The following MEMO1 variants were observed in gnomAD, a reference collection of about 807,000 sequenced individuals.
MEMO1 encodes the protein protein MEMO1.
A neutral mutation model predicts 45.2 loss-of-function variants in MEMO1; 6 were observed. The observed-to-expected ratio is 0.13, with a 90% CI of 0.07 to 0.26. MEMO1 has a LOEUF of 0.26. Among genes scored for constraint, MEMO1 ranks in the 10% least tolerant of loss-of-function variants. The pLI is 1.00. For synonymous variants in MEMO1, 78 were observed against 124.3 expected (o/e 0.63, Z 2.48); for missense variants, 184 against 370.5 (o/e 0.50, Z 4.13).
chr2:32,003,221 T>C (rs562701730), intron 2 of MEMO1, among the ~76,000 whole-genome samples: 125 of 152,278 alleles, frequency 8.2e-4, no homozygotes, highest in African/African-American at 2.8e-3. Flanking sequence ...AGAACCCTGA[T>C]ATAATTTTAT....
At position 31,967,540 on chromosome 2, in the gene MEMO1, C is replaced by T. The variant is rs543697082; in HGVS notation, c.62-24157G>A. ...TATGACTCACTGCAGCCTTGACCTCCGGGCTCAAGCAATCCTCCCATGTCA... is the reference window on the plus strand; with the variant it reads ...TATGACTCACTGCAGCCTTGACCTCTGGGCTCAAGCAATCCTCCCATGTCA... On this transcript the variant is annotated intron_variant, in intron 2 of 9. Coordinates refer to ENST00000404530, the MANE Select transcript of MEMO1 (RefSeq NM_001301833.4). Among the ~76,000 whole-genome samples, 476 of 152,234 alleles carry T rather than the reference C, an allele frequency of 3.1e-3. 1 individual carries two copies. Among genetic ancestry groups the T allele is most frequent in the African/African-American group, 0.011 (449 of 41,560 alleles).
rs375924514 is a variant in MEMO1 at position 31,943,433 on chromosome 2, G to T, written c.62-50C>A. ...AGAGTCAGCAAAGCAATGTACTACA[G>T]ATAAACATATGTGGCATAAAGCCCT... On this transcript the variant is annotated intron_variant, in intron 2 of 9. Coordinates refer to ENST00000404530, the MANE Select transcript of MEMO1 (RefSeq NM_001301833.4). The T allele has an allele frequency of 3.6e-5, 48 of 1,326,272 alleles. No homozygotes were observed. The African/African-American group carries it at 4.8e-4, about 13-fold the overall frequency. The allele number at this position is 1,326,272 out of a possible 1,614,324, so 82.2% of individuals were successfully genotyped here.
intron 4 of MEMO1, among the ~76,000 whole-genome samples, chr2:31,927,639 T>TAAA (rs555788140): frequency 9.4e-5 from 13 of 138,790 alleles, no homozygotes; most frequent in Non-Finnish European, 1.6e-4. Context: ...TTATATTTTG[T>TAAA]AAAAAAAAAA....
At chr2:31,962,281 C>T (rs1293431110) in intron 2 of MEMO1, among the ~76,000 whole-genome samples, 2 of 152,016 alleles carry the variant, frequency 1.3e-5, no homozygotes, top group Non-Finnish European at 2.9e-5. Context: ...CCCAGCTATT[C>T]AGAAGGCTGA....
At chr2:31,996,428 C>T (rs1276653490) in intron 2 of MEMO1, among the ~76,000 whole-genome samples, 2 of 152,004 alleles carry the variant, frequency 1.3e-5, no homozygotes, top group African/African-American at 4.8e-5. Context: ...CACCCGTAGT[C>T]CCAGCTGAGG....
chr2:31,952,314 G>A (rs1257311059), intron 2 of MEMO1, among the ~76,000 whole-genome samples: 1 of 152,062 alleles, frequency 6.6e-6, no homozygotes, highest in Admixed American at 6.6e-5. Context: ...ATAGCAGAGG[G>A]CAATTAACAA....
chr2:31,878,478 A>G (rs763634088), intron 8 of MEMO1, among the ~76,000 whole-genome samples: 8 of 152,272 alleles, frequency 5.3e-5, no homozygotes, highest in Non-Finnish European at 8.8e-5. Flanking sequence ...GGAAAGTGGA[A>G]GGATAGGACC....
chr2:31,970,422 C>A (rs919907283), intron 2 of MEMO1, among the ~76,000 whole-genome samples: 5 of 152,098 alleles, frequency 3.3e-5, no homozygotes, highest in African/African-American at 1.2e-4. Flanking sequence ...TTGATCTCAG[C>A]CTCGTTTTTA....
intron 6 of MEMO1, among the ~76,000 whole-genome samples, chr2:31,892,827 T>C (rs1677167632): frequency 6.6e-6 from 1 of 152,304 alleles, no homozygotes; most frequent in African/African-American, 2.4e-5. Context: ...AAGTCCCTTT[T>C]TCACTCTACA....
chr2:31,974,787 C>CA lies in MEMO1; in HGVS notation c.62-31405dup, dbSNP rs200456531. Among the ~76,000 whole-genome samples the CA allele has an allele frequency of 4.9e-4, 73 of 148,932 alleles. 1 individual carries two copies. In the East Asian group the frequency reaches 0.013, roughly 26 times the overall value. ...TCTCTAAAAAGACCAAAAAACAAACCAAAAAAAAATTGGTAGTGAAATCAT... is the reference window on the plus strand; with the variant it reads ...TCTCTAAAAAGACCAAAAAACAAACCAAAAAAAAAATTGGTAGTGAAATCAT... On this transcript the variant is annotated intron_variant, in intron 2 of 9. Coordinates refer to ENST00000404530, the MANE Select transcript of MEMO1 (RefSeq NM_001301833.4).
At chr2:31,974,897 G>A (rs1348491330) in intron 2 of MEMO1, among the ~76,000 whole-genome samples, 3 of 152,106 alleles carry the variant, frequency 2.0e-5, no homozygotes, top group Admixed American at 1.3e-4. Flanking sequence ...TTGGCAGGGC[G>A]CAGTGGCTCA....
chr2:31,917,067 T>C (rs1294992444), intron 6 of MEMO1, among the ~76,000 whole-genome samples: 2 of 152,158 alleles, frequency 1.3e-5, no homozygotes, highest in East Asian at 3.8e-4. Context: ...ACATAAAAAA[T>C]ATAATGTTAT....
intron 2 of MEMO1, among the ~76,000 whole-genome samples, chr2:31,945,158 T>G (rs1372370924): frequency 6.6e-6 from 1 of 152,224 alleles, no homozygotes; most frequent in Non-Finnish European, 1.5e-5. Context: ...TGCAACTTGC[T>G]TTAGTAATTC....
At chr2:31,977,751 T>G (rs1268142073) in intron 2 of MEMO1, among the ~76,000 whole-genome samples, 1 of 152,110 alleles carries the variant, frequency 6.6e-6, no homozygotes, top group Non-Finnish European at 1.5e-5. Flanking sequence ...CAGGCTGGTC[T>G]CAAACTCTTG....
intron 2 of MEMO1, among the ~76,000 whole-genome samples, chr2:31,978,269 C>A (rs1572874670): frequency 6.6e-6 from 1 of 151,978 alleles, no homozygotes; most frequent in Admixed American, 6.6e-5. Flanking sequence ...CACCTGTAAT[C>A]CCAGCTACTC....
chr2:31,927,368 A>G (rs1477913673), intron 4 of MEMO1, among the ~76,000 whole-genome samples: 1 of 152,206 alleles, frequency 6.6e-6, no homozygotes, highest in Non-Finnish European at 1.5e-5. Flanking sequence ...ATTTCGCATT[A>G]TAACTAACCT....
intron 3 of MEMO1, among the ~76,000 whole-genome samples, chr2:31,939,109 C>CA (rs34125983): frequency 6.2e-5 from 9 of 144,838 alleles, no homozygotes; most frequent in Non-Finnish European, 6.1e-5. Flanking sequence ...TTTTCTACCT[C>CA]AAAAAAAAAA....
chr2:31,883,699 C>T (rs1675745355), intron 7 of MEMO1, among the ~76,000 whole-genome samples: 1 of 151,892 alleles, frequency 6.6e-6, no homozygotes, highest in African/African-American at 2.4e-5. Context: ...TTGTAGAAAC[C>T]TTAAAATCAC....
intron 6 of MEMO1, among the ~76,000 whole-genome samples, chr2:31,897,959 C>A (rs1045017210): frequency 6.6e-6 from 1 of 151,794 alleles, no homozygotes; most frequent in African/African-American, 2.4e-5. Context: ...TGTATGTGTC[C>A]AGGAATTTAT....
Sources: allele counts gnomAD v4.1 joint callset (sites outside exome capture counted in the v4.1 genomes callset), GRCh38; gene constraint gnomAD v4.1.1; transcripts MANE v1.5; gene names NCBI Gene and HGNC (gene_info 2026-07-23, HGNC 2026-07-21).